The following KDM3B variants were observed in gnomAD, a reference collection of about 807,000 sequenced individuals.
The protein encoded by KDM3B is lysine demethylase 3B.
In KDM3B, 10 loss-of-function variants were observed where a neutral mutation model predicts 170.0. The observed-to-expected ratio is 0.06, with a 90% CI of 0.04 to 0.10. The LOEUF (loss-of-function observed/expected upper bound fraction) is 0.10, where lower values mean the gene tolerates loss of function less well. KDM3B is among the 10% of genes least tolerant of loss of function. The pLI, the probability that KDM3B is intolerant of heterozygous loss-of-function variation, is 1.00. For synonymous variants in KDM3B, 831 were observed against 834.8 expected (o/e 1.00, Z 0.08); for missense variants, 1,394 against 2,195.2 (o/e 0.64, Z 7.29).
At position 138,375,190 on chromosome 5, in the gene KDM3B, G is replaced by C. The variant is rs1407471813; in HGVS notation, c.458G>C (p.Gly153Ala). The change falls in exon 3 of 24, where the codon GGG becomes GCG. Residue 153 changes from glycine to alanine, a missense_variant. Gly to Ala is a moderately conservative substitution (Grantham distance 60). Coordinates refer to ENST00000314358, the MANE Select transcript of KDM3B (RefSeq NM_016604.4). Reference protein sequence around the residue: ...RELRFLSDANGLHLFQMGTDS... With the variant: ...RELRFLSDANALHLFQMGTDS... The stretch of plus-strand genomic sequence containing the variant: ...CTTCGGTTCCTGTCAGATGCCAATG[G>C]GTTGCATCTGTTTCAGGTATTTAAC... The C allele has an allele frequency of 3.1e-6, 5 of 1,606,908 alleles. No individual in the cohort carries two copies. Among genetic ancestry groups the C allele is most frequent in the Non-Finnish European group, 4.3e-6 (5 of 1,173,638 alleles).
intron 14 of KDM3B, among the ~76,000 whole-genome samples, chr5:138,420,339 A>C (rs1763240603): frequency 6.6e-6 from 1 of 152,214 alleles, no homozygotes; most frequent in South Asian, 2.1e-4. Flanking sequence ...GAACTATGAA[A>C]TCAGAATCTC....
At chr5:138,431,099 T>C (rs951415452) in intron 22 of KDM3B, among the ~76,000 whole-genome samples, 1 of 152,020 alleles carries the variant, frequency 6.6e-6, no homozygotes, top group Non-Finnish European at 1.5e-5. Flanking sequence ...TGTATTTCTT[T>C]TTTCCTTTTT....
chr5:138,408,606 G>A lies in KDM3B; in HGVS notation c.3200-6526G>A, dbSNP rs563650748. ...TATACTAATATCAAAACCAAATAAAGACATGAGAAGCATAGAAAGTTACAG... is the reference window on the plus strand; with the variant it reads ...TATACTAATATCAAAACCAAATAAAAACATGAGAAGCATAGAAAGTTACAG... On this transcript the variant is annotated intron_variant, in intron 11 of 23. Coordinates refer to ENST00000314358, the MANE Select transcript of KDM3B (RefSeq NM_016604.4). Among the ~76,000 whole-genome samples the A allele has an allele frequency of 1.2e-3, 176 of 152,092 alleles. 1 individual carries two copies. The highest frequency in any genetic ancestry group is 1.9e-3 in the Non-Finnish European group (131 of 67,994).
At chr5:138,430,123 A>C in intron 21 of KDM3B, 126 bp from the exon 22 acceptor site, 5 of 1,357,052 alleles carry the variant, frequency 3.7e-6, no homozygotes, top group Non-Finnish European at 5.0e-6. Flanking sequence ...ATCCACACCT[A>C]GAGGATGTTG....
intron 6 of KDM3B, among the ~76,000 whole-genome samples, chr5:138,383,159 G>C (rs944040838): frequency 6.6e-6 from 1 of 150,952 alleles, no homozygotes; most frequent in South Asian, 2.1e-4. Context: ...TTTTTTTTGA[G>C]ATGGAGTCTT....
chr5:138,359,155 G>A (rs1213695137), intron 1 of KDM3B, among the ~76,000 whole-genome samples: 1 of 151,630 alleles, frequency 6.6e-6, no homozygotes, highest in African/African-American at 2.4e-5. Context: ...AGTATTCCAT[G>A]GTGTATTTAT....
chr5:138,411,208 C>T (rs1271648149), intron 11 of KDM3B, among the ~76,000 whole-genome samples: 1 of 152,234 alleles, frequency 6.6e-6, no homozygotes, highest in African/African-American at 2.4e-5. Flanking sequence ...CCAAGGAGCC[C>T]TCTGGTGGCC....
At chr5:138,411,731 G>A (rs1451153678) in intron 11 of KDM3B, among the ~76,000 whole-genome samples, 11 of 143,570 alleles carry the variant, frequency 7.7e-5, no homozygotes, top group African/African-American at 1.6e-4. Flanking sequence ...ACAAAGTCTC[G>A]TCCTGTCACC....
chr5:138,374,292 C>T (rs749933105), intron 2 of KDM3B: 7 of 439,736 alleles, frequency 1.6e-5, no homozygotes, highest in South Asian at 3.2e-5. Flanking sequence ...GATGGAGTTT[C>T]GTTCTTGTTG....
intron 5 of KDM3B, among the ~76,000 whole-genome samples, chr5:138,380,395 T>C (rs898954573): frequency 1.3e-5 from 2 of 149,940 alleles, no homozygotes; most frequent in South Asian, 2.1e-4. Context: ...AGTCACACTT[T>C]AGTAACAAAT....
chr5:138,428,188 T>C, intron 20 of KDM3B, 102 bp downstream of exon 20: 5 of 1,214,706 alleles, frequency 4.1e-6, no homozygotes, highest in Middle Eastern at 2.1e-4. Flanking sequence ...CCTTTTTTTT[T>C]TCTTTTTCTT....
rs1435897429 is a variant in KDM3B, at chr5:138,392,086, G to C, written c.2454G>C (p.Leu818=). Residue 818 remains leucine (L), a synonymous_variant, in exon 8 of 24, where the codon CTG becomes CTC. Transcript: ENST00000314358. The stretch of plus-strand genomic sequence containing the variant: ...CGGACTCCAGCACCAACAGTGACCT[G>C]TCAGATTTGAGTGACTCTGAGGAGC... ...QDSDSSTNSD[L]SDLSDSEEQL... is the part of the protein sequence containing the mutation. 1 of 1,612,338 alleles carries C rather than the reference G, an allele frequency of 6.2e-7. No individual in the cohort carries two copies.
rs373506894 is a variant in KDM3B at position 138,391,510 on chromosome 5, C to G, written c.1878C>G (p.Pro626=). 2.5e-6 allele frequency: 4 copies of G among 1,613,982 alleles called. No homozygotes were observed. Among genetic ancestry groups the G allele is most frequent in the African/African-American group, 2.7e-5 (2 of 74,930 alleles). ...ATGAAAATCTATTTTTACAGCCCCC[C>G]AAATTGTCCCGAGAAGAGCCTTCTA... ...ENHENLFLQP[P]KLSREEPSNP... is the part of the protein sequence containing the mutation. Residue 626 remains proline, a synonymous_variant, in exon 8 of 24, where the codon CCC becomes CCG. Coordinates refer to ENST00000314358, the MANE Select transcript of KDM3B (RefSeq NM_016604.4). The surrounding 1 kb of genome is among the most constrained non-coding windows in gnomAD (Gnocchi z 5.0).
chr5:138,368,544 T>C (rs1761801217), intron 1 of KDM3B, among the ~76,000 whole-genome samples: 1 of 152,142 alleles, frequency 6.6e-6, no homozygotes, highest in Admixed American at 6.5e-5. Context: ...GCGTCCCACT[T>C]GAAATGATTC....
chr5:138,354,707 G>T (rs1761409395), intron 1 of KDM3B, among the ~76,000 whole-genome samples: 1 of 152,092 alleles, frequency 6.6e-6, no homozygotes, highest in African/African-American at 2.4e-5. Flanking sequence ...CACGGAACTG[G>T]GTTCTCAAAC....
chr5:138,400,063 CAAG>C (rs1294830817), intron 11 of KDM3B, 51 bp downstream of exon 11: 4 of 1,591,718 alleles, frequency 2.5e-6, no homozygotes, highest in East Asian at 2.2e-5. Flanking sequence ...GAGGTATGTC[CAAG>C]ATGTTGTGGG....
intron 14 of KDM3B, among the ~76,000 whole-genome samples, chr5:138,420,391 C>T (rs1763241677): frequency 6.6e-6 from 1 of 152,226 alleles, no homozygotes; most frequent in Non-Finnish European, 1.5e-5. Context: ...CTCCAAGTGA[C>T]TTCAGTACAG....
chr5:138,386,183 C>A lies in KDM3B; in HGVS notation c.942C>A (p.Ser314Arg). ...GGGGTGAAGTAGACAGTAATGGGAG[C>A]GATGGAGGTGAGGCAAGCCGAGGGC... The part of the protein sequence containing the change: ...GDRGEVDSNG[S>R]DGGEASRGPW... Residue 314 changes from serine to arginine, a missense_variant, in exon 7 of 24, where the codon AGC (serine) becomes AGA (arginine). Ser to Arg is a moderately radical substitution (Grantham distance 110, BLOSUM62 -1). Transcript: ENST00000314358. The A allele has an allele frequency of 6.2e-7, 1 of 1,613,962 alleles. No homozygotes were observed. Among genetic ancestry groups the A allele is most frequent in the South Asian group, 1.1e-5 (1 of 91,064 alleles).
At chr5:138,424,609 T>C (rs1763348841) in intron 16 of KDM3B, among the ~76,000 whole-genome samples, 1 of 152,070 alleles carries the variant, frequency 6.6e-6, no homozygotes, top group Non-Finnish European at 1.5e-5. Context: ...AAATCCTGTC[T>C]CTACTAAAAA....
Sources: gnomAD v4.1 joint callset for allele counts (sites outside exome capture counted in the v4.1 genomes callset) on GRCh38, gnomAD v4.1.1 for gene constraint, Gnocchi (gnomAD v3.1) non-coding constraint, MANE v1.5 for transcripts, NCBI Gene and HGNC (gene_info 2026-07-23, HGNC 2026-07-21) for gene names.